FBRSL1: variants seen among roughly 807,000 people sequenced by gnomAD.
FBRSL1 encodes fibrosin like 1, also known as fibrosin-1-like protein.
Under a neutral mutation model 89.6 loss-of-function variants are expected in FBRSL1, and 51 were observed. That is an observed-to-expected ratio of 0.57 (90% CI 0.45 to 0.72). The LOEUF is 0.72. FBRSL1 is among the 30% of genes least tolerant of loss of function. The pLI, the probability that FBRSL1 is intolerant of heterozygous loss-of-function variation, is 0.00. For missense variants in FBRSL1, 1,618 were observed against 1,451.8 expected, an observed-to-expected ratio of 1.11 and a Z score of -1.86; for synonymous variants, 779 against 681.1, an observed-to-expected ratio of 1.14 and a Z score of -2.24.
chr12:132,494,037 C>T (rs1004792273), intron 1 of FBRSL1, among the ~76,000 whole-genome samples: 7 of 152,090 alleles, frequency 4.6e-5, no homozygotes, highest in Admixed American at 1.3e-4. Flanking sequence ...GTGGGTGGGG[C>T]GGCGCGGCAG....
chr12:132,508,308 C>T lies in FBRSL1; in HGVS notation c.447C>T (p.Ala149=), dbSNP rs1185448821. The T allele has an allele frequency of 1.3e-6, 2 of 1,547,982 alleles. No individual in the cohort carries two copies. The highest frequency in any genetic ancestry group is 1.7e-6 in the Non-Finnish European group (2 of 1,145,986). The change falls in exon 2 of 19, where the codon GCC becomes GCT. Residue 149 remains alanine, a synonymous_variant. Coordinates refer to ENST00000680143, the MANE Select transcript of FBRSL1 (RefSeq NM_001367871.1). ...AGSPGQDLEP[A]CDGARKVPLQ... Reference sequence around the variant, plus strand: ...GCCCCGGGCAGGACCTCGAACCCGCCTGCGATGGGGCGAGAAAGGTCCCAC... The same window carrying T: ...GCCCCGGGCAGGACCTCGAACCCGCTTGCGATGGGGCGAGAAAGGTCCCAC...
At chr12:132,529,883 C>T (rs910488993) in intron 4 of FBRSL1, among the ~76,000 whole-genome samples, 5 of 152,366 alleles carry the variant, frequency 3.3e-5, no homozygotes, top group Middle Eastern at 3.4e-3. Context: ...GGAGCAGCTG[C>T]CTGCCCAAGG....
chr12:132,581,970 T>C (rs1244922864), intron 17 of FBRSL1, 92 bp from the exon 18 acceptor site: 3 of 1,327,996 alleles, frequency 2.3e-6, no homozygotes, highest in East Asian at 2.5e-5. Context: ...AGTGTCAGCC[T>C]GGGACCCTTC....
In FBRSL1 at chr12:132,584,057, C is replaced by CTCTT. The variant is rs1342025134; in HGVS notation, c.*281_*284dup. The CTCTT allele has an allele frequency of 5.6e-6, 1 of 179,554 alleles. No homozygotes were observed. Among genetic ancestry groups the CTCTT allele is most frequent in the Non-Finnish European group, 1.2e-5 (1 of 86,144 alleles). The allele number at this position is 179,554 out of a possible 1,614,324, so 11.1% of individuals were successfully genotyped here. On this transcript the variant is annotated 3_prime_UTR_variant, in exon 19 of 19. Coordinates refer to ENST00000680143, the MANE Select transcript of FBRSL1 (RefSeq NM_001367871.1). ...GATTTGTATTTTTCTTAATTTTATGCTCTTTAGACGTTTAAAAGAACCAAA... is the reference window on the plus strand; with the variant it reads ...GATTTGTATTTTTCTTAATTTTATGCTCTTTCTTTAGACGTTTAAAAGAACCAAA...
chr12:132,496,760 G>A (rs550046479), intron 1 of FBRSL1, among the ~76,000 whole-genome samples: 38 of 152,332 alleles, frequency 2.5e-4, no homozygotes, highest in Admixed American at 2.4e-3. Context: ...TGCACGGGAC[G>A]CATCTCTGGT....
At chr12:132,576,315 C>T (rs930497859) in intron 14 of FBRSL1, among the ~76,000 whole-genome samples, 1 of 151,944 alleles carries the variant, frequency 6.6e-6, no homozygotes, top group Admixed American at 6.5e-5. Flanking sequence ...GTCTCAGCCT[C>T]CTGAGCAGCT....
rs922941656 is a variant in FBRSL1 at position 132,490,163 on chromosome 12, C to G, written c.-408C>G. ...CGGGCGGAAGTGCGTCAGTTGTTAT[C>G]TGTTCGGGGCGCCGCCGCCGCCTCA... On this transcript the variant is annotated 5_prime_UTR_variant, in exon 1 of 19. It adds an upstream start codon to the 5' untranslated region. Coordinates refer to ENST00000680143, the MANE Select transcript of FBRSL1 (RefSeq NM_001367871.1). 4 of 133,490 alleles carry G rather than the reference C, an allele frequency of 3.0e-5. No homozygotes were observed. The highest frequency in any genetic ancestry group is 7.3e-5 in the Non-Finnish European group (4 of 54,970). The allele number at this position is 133,490 out of a possible 1,614,324, so 8.3% of individuals were successfully genotyped here. A position where few individuals can be genotyped will look rare whatever the true frequency, so the allele number is the denominator to read the frequency against.
chr12:132,534,581 G>T (rs202190993), intron 4 of FBRSL1, among the ~76,000 whole-genome samples: 1 of 152,264 alleles, frequency 6.6e-6, no homozygotes, highest in African/African-American at 2.4e-5. Context: ...CAGCGGGCAC[G>T]CGCTCTTTTA....
chr12:132,564,883 C>T (rs2039485932), intron 5 of FBRSL1, among the ~76,000 whole-genome samples: 1 of 152,138 alleles, frequency 6.6e-6, no homozygotes, highest in Admixed American at 6.5e-5. Flanking sequence ...CCGGCCTCGG[C>T]CTCCCGCAGT....
chr12:132,499,920 G>C lies in FBRSL1; in HGVS notation c.292-8233G>C, dbSNP rs1278683413. Among the ~76,000 whole-genome samples, 6 of 152,148 alleles carry C rather than the reference G, an allele frequency of 3.9e-5. No individual in the cohort carries two copies. Among genetic ancestry groups the C allele is most frequent in the Admixed American group, 2.0e-4 (3 of 15,278 alleles). ...TGATCTGGTTTGTGAGCTGGCCTGT[G>C]GGGTGGATGGGGTTCCCCAGAGCTG... On this transcript the variant is annotated intron_variant, in intron 1 of 18. Coordinates refer to ENST00000680143, the MANE Select transcript of FBRSL1 (RefSeq NM_001367871.1). The surrounding 1 kb of genome is among the most constrained non-coding windows in gnomAD (Gnocchi z 4.3).
At chr12:132,542,990 G>A (rs1321422881) in intron 4 of FBRSL1, among the ~76,000 whole-genome samples, 1 of 152,176 alleles carries the variant, frequency 6.6e-6, no homozygotes, top group Non-Finnish European at 1.5e-5. Flanking sequence ...TCTGGAAGGG[G>A]TGCAGGGAGG....
chr12:132,507,190 T>G, intron 1 of FBRSL1: 1 of 985,638 alleles, frequency 1.0e-6, no homozygotes, highest in South Asian at 4.7e-5. Flanking sequence ...TTCCCAGGGT[T>G]CTTGGCAGCA....
intron 1 of FBRSL1, among the ~76,000 whole-genome samples, chr12:132,498,377 A>G (rs916441266): frequency 1.3e-5 from 2 of 152,072 alleles, no homozygotes; most frequent in Non-Finnish European, 2.9e-5. Flanking sequence ...CCTGTCAGAC[A>G]CCTTCTGGCC....
At chr12:132,580,462 C>T (rs1335885466) in intron 15 of FBRSL1, among the ~76,000 whole-genome samples, 1 of 152,196 alleles carries the variant, frequency 6.6e-6, no homozygotes, top group African/African-American at 2.4e-5. Flanking sequence ...GTGTCGCTCA[C>T]TTTTCTGGCC....
Position 132,567,534 on chromosome 12 carries a change from G to A in FBRSL1, c.691+8G>A. 1.3e-6 allele frequency: 2 copies of A among 1,550,896 alleles called. No homozygotes were observed. The highest frequency in any genetic ancestry group is 1.7e-6 in the Non-Finnish European group (2 of 1,146,858). ...CGCCGGGAACCGATAAAGGTAAGTG[G>A]GTCCCCTCGGCCCAGCTCCTGGGCC... is the stretch of plus-strand genomic sequence containing the variant. On this transcript the variant is annotated splice_region_variant and intron_variant, in intron 6 of 18. Coordinates refer to ENST00000680143, the MANE Select transcript of FBRSL1 (RefSeq NM_001367871.1).
intron 4 of FBRSL1, among the ~76,000 whole-genome samples, chr12:132,538,732 T>C (rs2036966599): frequency 6.6e-6 from 1 of 152,232 alleles, no homozygotes; most frequent in Admixed American, 6.5e-5. Flanking sequence ...TGATTGCTTG[T>C]TAATTGCTCA....
intron 1 of FBRSL1, among the ~76,000 whole-genome samples, chr12:132,497,318 G>A (rs1015672792): frequency 1.3e-5 from 2 of 152,144 alleles, no homozygotes; most frequent in Non-Finnish European, 2.9e-5. Context: ...AGGAGTGGAG[G>A]CTGGGGGAGA....
intron 15 of FBRSL1, among the ~76,000 whole-genome samples, chr12:132,578,214 G>A (rs950312142): frequency 2.0e-5 from 3 of 152,142 alleles, no homozygotes; most frequent in African/African-American, 4.8e-5. Flanking sequence ...GCGTGGTGGC[G>A]CACGCCCGTG....
chr12:132,547,855 C>A, intron 4 of FBRSL1, 148 bp from the exon 5 acceptor site: 3 of 790,348 alleles, frequency 3.8e-6, no homozygotes, highest in Admixed American at 2.3e-5. Context: ...CTAACCGCCC[C>A]GACCACCTGG....
Sources: allele counts gnomAD v4.1 joint callset (sites outside exome capture counted in the v4.1 genomes callset), GRCh38; gene constraint gnomAD v4.1.1; non-coding constraint Gnocchi (gnomAD v3.1); transcripts MANE v1.5; gene names NCBI Gene and HGNC (gene_info 2026-07-23, HGNC 2026-07-21).